RNF11: variants seen among roughly 807,000 people sequenced by gnomAD.
RNF11 encodes the protein ring finger protein 11.
In RNF11, 4 loss-of-function variants were observed where a neutral mutation model predicts 15.8. The observed-to-expected ratio is 0.25, with a 90% CI of 0.12 to 0.58. The LOEUF is 0.58. RNF11 is among the 20% of genes least tolerant of loss of function. RNF11 has a pLI of 0.91. For missense variants in RNF11, 139 were observed against 194.4 expected, an observed-to-expected ratio of 0.71 and a Z score of 1.70; for synonymous variants, 68 against 72.3, an observed-to-expected ratio of 0.94 and a Z score of 0.30.
At chr1:51,264,439 A>G (rs1471240950) in intron 1 of RNF11, among the ~76,000 whole-genome samples, 1 of 151,368 alleles carries the variant, frequency 6.6e-6, no homozygotes, top group Non-Finnish European at 1.5e-5. Context: ...GTTTTGGTCA[A>G]GATTTCATGG....
chr1:51,271,009 T>C, intron 2 of RNF11, 142 bp from the exon 3 acceptor site: 1 of 681,192 alleles, frequency 1.5e-6, no homozygotes, highest in Non-Finnish European at 2.5e-6. Flanking sequence ...AAATTCAGTT[T>C]GCATGCTTTG....
At chr1:51,253,067 C>T (rs926478973) in intron 1 of RNF11, among the ~76,000 whole-genome samples, 2 of 151,850 alleles carry the variant, frequency 1.3e-5, no homozygotes, top group African/African-American at 2.4e-5. Flanking sequence ...CCTCGTGATC[C>T]GCCCGCCTCT....
intron 1 of RNF11, among the ~76,000 whole-genome samples, chr1:51,237,405 G>A (rs1406566588): frequency 6.8e-6 from 1 of 147,036 alleles, no homozygotes; most frequent in Non-Finnish European, 1.5e-5. Context: ...TAGCGACATC[G>A]AGTTACTTGT....
At chr1:51,255,957 A>G (rs1646902545) in intron 1 of RNF11, among the ~76,000 whole-genome samples, 1 of 151,778 alleles carries the variant, frequency 6.6e-6, no homozygotes, top group South Asian at 2.1e-4. Context: ...AGTCCCTTGT[A>G]TTTCCATGTG....
intron 1 of RNF11, among the ~76,000 whole-genome samples, chr1:51,255,019 A>T (rs1404138944): frequency 6.6e-6 from 1 of 152,248 alleles, no homozygotes; most frequent in Non-Finnish European, 1.5e-5. Context: ...GCAATAGCTT[A>T]TACATTGGTG....
At chr1:51,250,987 C>G in intron 1 of RNF11, 1 of 1,388,758 alleles carries the variant, frequency 7.2e-7, no homozygotes, top group Non-Finnish European at 1.0e-6. Context: ...CCTCTGCGCA[C>G]GGGGACAATG....
At chr1:51,240,268 C>T (rs1347450211) in intron 1 of RNF11, among the ~76,000 whole-genome samples, 3 of 152,248 alleles carry the variant, frequency 2.0e-5, no homozygotes, top group Non-Finnish European at 4.4e-5. Context: ...TCCCTGTCCT[C>T]ATTGCTATTC....
chr1:51,242,830 GTTTT>G (rs753111278), intron 1 of RNF11, among the ~76,000 whole-genome samples: 3 of 152,012 alleles, frequency 2.0e-5, no homozygotes, highest in Non-Finnish European at 4.4e-5. Context: ...AAAGGGTTGT[GTTTT>G]TTTATTAGCA....
At chr1:51,241,795 G>T (rs1410974309) in intron 1 of RNF11, among the ~76,000 whole-genome samples, 4 of 152,188 alleles carry the variant, frequency 2.6e-5, no homozygotes, top group African/African-American at 9.7e-5. Context: ...GATAAGCCAG[G>T]AAAGGCTGAA....
At chr1:51,251,376 C>G in intron 1 of RNF11, 1 of 1,458,284 alleles carries the variant, frequency 6.9e-7, no homozygotes, top group Non-Finnish European at 9.3e-7. Flanking sequence ...GCGACCCCGG[C>G]CCCGGATGCC....
Position 51,273,062 on chromosome 1 carries a change from T to G in RNF11, c.*1740T>G, listed in dbSNP as rs1389175495. ...TGTATCTTGCTTAAATTTCTGTTTATTAATTTATATCCACCCAAGTACATA... is the reference window on the plus strand; with the variant it reads ...TGTATCTTGCTTAAATTTCTGTTTAGTAATTTATATCCACCCAAGTACATA... On this transcript the variant is annotated 3_prime_UTR_variant, in exon 3 of 3. Transcript: ENST00000242719. 6.6e-6 allele frequency: 1 copy of G among 152,180 alleles called. No individual in the cohort carries two copies. The highest frequency in any genetic ancestry group is 1.5e-5 in the Non-Finnish European group (1 of 67,996). 9.4% of individuals were successfully genotyped at this position (152,180 alleles called of 1,614,324 possible).
chr1:51,243,795 T>G (rs1646840611), intron 1 of RNF11, among the ~76,000 whole-genome samples: 1 of 152,224 alleles, frequency 6.6e-6, no homozygotes, highest in African/African-American at 2.4e-5. Flanking sequence ...GCATTCAAAG[T>G]CATGATTTGG....
chr1:51,262,269 T>C (rs566904007), intron 1 of RNF11, among the ~76,000 whole-genome samples: 3 of 152,308 alleles, frequency 2.0e-5, no homozygotes, highest in East Asian at 3.9e-4. Flanking sequence ...CACCTACATA[T>C]AACCACATAG....
chr1:51,259,286 T>G (rs866922116), intron 1 of RNF11, among the ~76,000 whole-genome samples: 18 of 152,208 alleles, frequency 1.2e-4, no homozygotes, highest in African/African-American at 4.3e-4. Context: ...TTGCCCAGGT[T>G]GAGAAGCCCT....
In RNF11 at chr1:51,250,437, T is replaced by C. The variant is rs146860387; in HGVS notation, c.123+13558T>C. ...AGACATTTTAATAGGTGTGTAGAAG[T>C]ATAGAAATGCAGTTGACCTTTGAAC... is the stretch of plus-strand genomic sequence containing the variant. On this transcript the variant is annotated intron_variant, in intron 1 of 2. Coordinates refer to ENST00000242719, the MANE Select transcript of RNF11 (RefSeq NM_014372.5). Among the ~76,000 whole-genome samples the C allele has an allele frequency of 4.5e-3, 686 of 152,346 alleles. 3 individuals are homozygous for C. Among genetic ancestry groups the C allele is most frequent in the Non-Finnish European group, 7.3e-3 (494 of 68,034 alleles).
intron 1 of RNF11, among the ~76,000 whole-genome samples, chr1:51,255,450 A>G (rs1646900279): frequency 6.6e-6 from 1 of 152,122 alleles, no homozygotes; most frequent in Non-Finnish European, 1.5e-5. Flanking sequence ...GGCAGAGACA[A>G]GGTCTCACTC....
chr1:51,253,027 T>C lies in RNF11; in HGVS notation c.123+16148T>C, dbSNP rs957611755. 6.6e-5 allele frequency among the ~76,000 whole-genome samples: 10 copies of C among 152,062 alleles called. No homozygotes were observed. In the South Asian group the frequency reaches 1.0e-3, roughly 16 times the overall value. Reference sequence around the variant, plus strand: ...TTTTAGTAGAGATGGGGTTTCACCATGTCAGCCAGGCTTGTCTCAAAACTC... The same window carrying C: ...TTTTAGTAGAGATGGGGTTTCACCACGTCAGCCAGGCTTGTCTCAAAACTC... On this transcript the variant is annotated intron_variant, in intron 1 of 2. Transcript: ENST00000242719.
intron 1 of RNF11, among the ~76,000 whole-genome samples, chr1:51,261,167 C>T (rs190650672): frequency 8.5e-5 from 13 of 152,236 alleles, no homozygotes; most frequent in Non-Finnish European, 1.5e-4. Context: ...GATCTAAGTT[C>T]TTAATCTCAA....
At chr1:51,270,483 C>T (rs1254028076) in intron 2 of RNF11, among the ~76,000 whole-genome samples, 4 of 151,864 alleles carry the variant, frequency 2.6e-5, no homozygotes, top group Non-Finnish European at 4.4e-5. Context: ...CATGGTGGCA[C>T]GCGCCTGTAA....
Sources: allele counts gnomAD v4.1 joint callset (sites outside exome capture counted in the v4.1 genomes callset), GRCh38; gene constraint gnomAD v4.1.1; transcripts MANE v1.5; gene names NCBI Gene and HGNC (gene_info 2026-07-23, HGNC 2026-07-21).